Variants in VPS13D observed in about 807,000 individuals in gnomAD.
VPS13D encodes intermembrane lipid transfer protein VPS13D.
In VPS13D, 187 loss-of-function variants were observed where a neutral mutation model predicts 461.9. The ratio of observed to expected loss-of-function variants is 0.40; its 90% CI spans 0.36 to 0.46. The LOEUF (loss-of-function observed/expected upper bound fraction) is 0.46. VPS13D is among the 20% of genes least tolerant of loss of function. The pLI, the probability that VPS13D is intolerant of heterozygous loss-of-function variation, is 0.60. For missense variants in VPS13D, 4,711 were observed against 5,364.9 expected, an observed-to-expected ratio of 0.88 and a Z score of 3.81; for synonymous variants, 1,951 against 1,986.3, an observed-to-expected ratio of 0.98 and a Z score of 0.47.
intron 67 of VPS13D, among the ~76,000 whole-genome samples, chr1:12,468,596 C>G (rs892156340): frequency 1.3e-5 from 2 of 152,170 alleles, no homozygotes; most frequent in Non-Finnish European, 2.9e-5. Flanking sequence ...TATAATTCAC[C>G]CGTGGTTTTC....
chr1:12,290,293 A>G (rs1042251090), intron 22 of VPS13D, among the ~76,000 whole-genome samples: 2 of 152,260 alleles, frequency 1.3e-5, no homozygotes, highest in African/African-American at 2.4e-5. Context: ...AATACCTAAC[A>G]TGTTTCTGAC....
At chr1:12,456,995 A>G (rs1645338763) in intron 66 of VPS13D, among the ~76,000 whole-genome samples, 1 of 152,236 alleles carries the variant, frequency 6.6e-6, no homozygotes, top group African/African-American at 2.4e-5. Context: ...TTAGTTTTAC[A>G]TAAATGTGCA....
At position 12,341,844 on chromosome 1, in the gene VPS13D, G is replaced by T. The variant is rs908543197; in HGVS notation, c.8691G>T (p.Gly2897=). 2.5e-6 allele frequency: 4 copies of T among 1,613,904 alleles called. No homozygotes were observed. The highest frequency in any genetic ancestry group is 2.2e-5 in the East Asian group (1 of 44,894). ...CCTTTGCTCTGAGGAACCACACGGG[G>T]TGCACTTTGTGGTTTGCCACCCTGA... ...FVPFALRNHT[G]CTLWFATLTT... is the part of the protein sequence containing the mutation. Residue 2897 remains glycine, a synonymous_variant, in exon 41 of 70, where the codon GGG becomes GGT. Transcript: ENST00000620676.
In VPS13D at chr1:12,299,477, G is replaced by A. The variant is rs115186427; in HGVS notation, c.6216+93G>A. 1.4e-6 allele frequency: 2 copies of A among 1,408,290 alleles called. No individual in the cohort carries two copies. Among genetic ancestry groups the A allele is most frequent in the South Asian group, 1.5e-5 (1 of 65,620 alleles). The allele number at this position is 1,408,290 out of a possible 1,614,324, so 87.2% of individuals were successfully genotyped here. A position where few individuals can be genotyped will look rare whatever the true frequency, so the allele number is the denominator to read the frequency against. On this transcript the variant is annotated intron_variant, in intron 25 of 69. Coordinates refer to ENST00000620676, the MANE Select transcript of VPS13D (RefSeq NM_015378.4). The surrounding 1 kb of genome is among the most constrained non-coding windows in gnomAD (Gnocchi z 4.2). ...TGCTGCTGTAAGATGATCCATAATT[G>A]CTATTACTTTTGTAGGGTATGTGGC...
chr1:12,420,804 C>G (rs1644853565), intron 65 of VPS13D, among the ~76,000 whole-genome samples: 2 of 152,132 alleles, frequency 1.3e-5, no homozygotes, highest in South Asian at 4.1e-4. Flanking sequence ...GATGGTAACT[C>G]CCCCTGTCAC....
intron 1 of VPS13D, among the ~76,000 whole-genome samples, chr1:12,233,338 C>G (rs575048100): frequency 6.6e-6 from 1 of 152,160 alleles, no homozygotes; most frequent in Non-Finnish European, 1.5e-5. Context: ...CAATCTCTTA[C>G]GGCATTTTCT....
chr1:12,243,214 C>T (rs1640438321), intron 3 of VPS13D, among the ~76,000 whole-genome samples: 1 of 152,084 alleles, frequency 6.6e-6, no homozygotes, highest in South Asian at 2.1e-4. Flanking sequence ...CTCGGCCTCC[C>T]AAAGTGCTGG....
At position 12,355,948 on chromosome 1, in the gene VPS13D, T is replaced by A; in HGVS notation, c.9729T>A (p.Pro3243=). The A allele has an allele frequency of 6.2e-7, 1 of 1,611,848 alleles. No homozygotes were observed. The highest frequency in any genetic ancestry group is 2.2e-5 in the East Asian group (1 of 44,728). ...FPLCKELLIP[P]GTQNYMVRMR... ...TCTGTAAAGAATTGCTCATTCCACC[T>A]GGAACCCAAAACTATATGGTGAGAA... The change falls in exon 48 of 70, where the codon CCT becomes CCA. Residue 3243 remains proline (P), a synonymous_variant. Coordinates refer to ENST00000620676, the MANE Select transcript of VPS13D (RefSeq NM_015378.4).
At chr1:12,288,049 T>C (rs1419439091) in intron 21 of VPS13D, among the ~76,000 whole-genome samples, 174 bp from the exon 22 acceptor site, 1 of 152,222 alleles carries the variant, frequency 6.6e-6, no homozygotes, top group Non-Finnish European at 1.5e-5. Flanking sequence ...CGCCCTGTCC[T>C]CAGGTCGTGG....
chr1:12,241,629 C>T (rs1314551395), intron 2 of VPS13D, among the ~76,000 whole-genome samples: 2 of 152,164 alleles, frequency 1.3e-5, no homozygotes, highest in African/African-American at 4.8e-5. Flanking sequence ...AGTTCACTTT[C>T]GGGTTTAAGT....
chr1:12,496,247 T>A (rs1163290225), intron 67 of VPS13D, among the ~76,000 whole-genome samples: 1 of 152,228 alleles, frequency 6.6e-6, no homozygotes, highest in Non-Finnish European at 1.5e-5. Context: ...ATTGCTGGAT[T>A]TTTGTCTTTC....
chr1:12,252,351 C>G lies in VPS13D; in HGVS notation c.565-1371C>G, dbSNP rs375594560. Among the ~76,000 whole-genome samples the G allele has an allele frequency of 2.0e-5, 3 of 152,304 alleles. No individual in the cohort carries two copies. In the South Asian group the frequency reaches 6.2e-4, roughly 32 times the overall value. ...ATGTACCAATACTGCCCCCACCGCA[C>G]ACATCCAGTGTTCCAGTTGTACAGA... On this transcript the variant is annotated intron_variant, in intron 6 of 69. Coordinates refer to ENST00000620676, the MANE Select transcript of VPS13D (RefSeq NM_015378.4).
At chr1:12,297,353 A>G (rs1261266362) in intron 24 of VPS13D, among the ~76,000 whole-genome samples, 3 of 152,302 alleles carry the variant, frequency 2.0e-5, no homozygotes, top group Non-Finnish European at 2.9e-5. Context: ...CAGAAGTATG[A>G]TGCAGTTTTT....
At position 12,293,730 on chromosome 1, in the gene VPS13D, G is replaced by A. The variant is rs149274137; in HGVS notation, c.6033+26G>A. 86 of 1,602,924 alleles carry A rather than the reference G, an allele frequency of 5.4e-5. No homozygotes were observed. In the African/African-American group the frequency reaches 1.0e-3, roughly 19 times the overall value. ...GTAGGTAGCCTGGGCCCTCCAAGCT[G>A]CTTTTCCAGTTTGACTGATCAGTAG... On this transcript the variant is annotated intron_variant, in intron 24 of 69. Transcript: ENST00000620676.
chr1:12,311,562 C>A lies in VPS13D; in HGVS notation c.6759C>A (p.Asn2253Lys), dbSNP rs1274147829. The A allele has an allele frequency of 5.6e-6, 9 of 1,614,062 alleles. No individual in the cohort carries two copies. The highest frequency in any genetic ancestry group is 5.3e-5 in the African/African-American group (4 of 74,910). Residue 2253 changes from asparagine to lysine, a missense_variant, in exon 28 of 70, where the codon AAC becomes AAA. Physicochemically the swap from Asn to Lys is moderately conservative, Grantham distance 94. This residue lies in a region of VPS13D where 4,411 missense variants were observed against 4,937.8 expected (regional missense o/e 0.89). Transcript: ENST00000620676. ...KYKLIRGLLE[N>K]NLGEPIEEFM... ...AGCTGATCCGCGGCTTATTAGAGAA[C>A]AACCTGGGAGAACCCATAGAGGAAT...
chr1:12,467,098 A>G (rs1645494440), intron 67 of VPS13D, among the ~76,000 whole-genome samples: 2 of 152,234 alleles, frequency 1.3e-5, no homozygotes, highest in Non-Finnish European at 2.9e-5. Flanking sequence ...GAAGAACACT[A>G]AGACCTGTGT....
Position 12,276,649 on chromosome 1 carries a change from G to A in VPS13D, c.3061G>A (p.Ala1021Thr), listed in dbSNP as rs1216732426. ...TYGADFDLLM[A>T]SHKNLSFDIP... ...TGGTGCTGATTTTGACCTTTTGATG[G>A]CTTCACATAAGAACTTGAGCTTTGA... Residue 1021 changes from alanine (A) to threonine (T), a missense_variant, in exon 19 of 70, where the codon GCT becomes ACT. Ala to Thr is a moderately conservative substitution (Grantham distance 58). This residue lies in a region of VPS13D where 4,411 missense variants were observed against 4,937.8 expected (regional missense o/e 0.89). Coordinates refer to ENST00000620676, the MANE Select transcript of VPS13D (RefSeq NM_015378.4). This position sits in a 1 kb window ranked among gnomAD's most constrained non-coding sequence, Gnocchi z 4.5. The A allele has an allele frequency of 6.2e-7, 1 of 1,614,014 alleles. No individual in the cohort carries two copies. Among genetic ancestry groups the A allele is most frequent in the African/African-American group, 1.3e-5 (1 of 74,902 alleles).
At chr1:12,499,318 C>A in intron 68 of VPS13D, 2 of 290,922 alleles carry the variant, frequency 6.9e-6, no homozygotes, top group East Asian at 1.7e-4. Flanking sequence ...TGCAGTTCAG[C>A]ATTTGTGTTC....
chr1:12,236,389 C>CT (rs888871345), intron 2 of VPS13D, among the ~76,000 whole-genome samples: 18 of 150,988 alleles, frequency 1.2e-4, no homozygotes, highest in East Asian at 7.8e-4. Flanking sequence ...AATGTTCTTT[C>CT]TTTTTTTTTG....
Sources: allele counts gnomAD v4.1 joint callset (sites outside exome capture counted in the v4.1 genomes callset), GRCh38; gene constraint gnomAD v4.1.1; regional missense constraint gnomAD v4.1.1; non-coding constraint Gnocchi (gnomAD v3.1); transcripts MANE v1.5; gene names NCBI Gene and HGNC (gene_info 2026-07-23, HGNC 2026-07-21).